The following CAMK4 variants were observed in gnomAD, a reference collection of about 807,000 sequenced individuals.
CAMK4 encodes calcium/calmodulin dependent protein kinase IV.
Under a neutral mutation model 44.9 loss-of-function variants are expected in CAMK4, and 22 were observed. The observed-to-expected ratio is 0.49, with a 90% confidence interval of 0.35 to 0.70. CAMK4 has a LOEUF of 0.70. CAMK4 is among the 30% of genes least tolerant of loss of function. The pLI is 0.01. For synonymous variants in CAMK4, 218 were observed against 215.4 expected (o/e 1.01, Z -0.11); for missense variants, 498 against 586.8 (o/e 0.85, Z 1.56).
At chr5:111,399,787 T>C (rs1752154931) in intron 5 of CAMK4, among the ~76,000 whole-genome samples, 1 of 152,236 alleles carries the variant, frequency 6.6e-6, no homozygotes, top group Non-Finnish European at 1.5e-5. Context: ...AAAACTCACC[T>C]TCCTCGGTAT....
intron 1 of CAMK4, among the ~76,000 whole-genome samples, chr5:111,234,026 T>C: frequency 6.6e-6 from 1 of 152,188 alleles, no homozygotes. Context: ...AAAAAGCACA[T>C]TAATGTTGGT....
chr5:111,325,314 A>G (rs1748837232), intron 1 of CAMK4, among the ~76,000 whole-genome samples: 1 of 152,054 alleles, frequency 6.6e-6, no homozygotes, highest in African/African-American at 2.4e-5. Context: ...TAGTACTGCA[A>G]TAAACATACA....
At chr5:111,344,779 A>G (rs1749800471) in intron 2 of CAMK4, among the ~76,000 whole-genome samples, 2 of 151,850 alleles carry the variant, frequency 1.3e-5, no homozygotes, top group Admixed American at 1.3e-4. Context: ...TGAGTAAGAA[A>G]CACAGTAGAT....
intron 1 of CAMK4, among the ~76,000 whole-genome samples, chr5:111,273,613 GT>G (rs1750608844): frequency 6.8e-6 from 1 of 146,200 alleles, no homozygotes; most frequent in Admixed American, 6.9e-5. Flanking sequence ...CTGTCCCAGA[GT>G]TTTTTCCAGA....
chr5:111,375,228 C>G (rs1451046845), intron 3 of CAMK4, among the ~76,000 whole-genome samples: 1 of 152,086 alleles, frequency 6.6e-6, no homozygotes, highest in African/African-American at 2.4e-5. Flanking sequence ...TTTTGTGTGC[C>G]TATCTTATTA....
intron 1 of CAMK4, chr5:111,277,563 T>G (rs1750820772): frequency 6.6e-6 from 1 of 152,192 alleles, no homozygotes; most frequent in African/African-American, 2.4e-5. Flanking sequence ...TGGTAGGAGA[T>G]CATAAATTCC....
chr5:111,393,202 A>C (rs1452476889), intron 4 of CAMK4, among the ~76,000 whole-genome samples: 1 of 152,194 alleles, frequency 6.6e-6, no homozygotes, highest in Non-Finnish European at 1.5e-5. Context: ...TTGATAATCA[A>C]TTACTGTTAT....
rs1274726204 is a variant in CAMK4, at chr5:111,486,144, T to C, written c.*1678T>C. The C allele has an allele frequency of 6.6e-6, 1 of 152,112 alleles. No homozygotes were observed. The highest frequency in any genetic ancestry group is 1.9e-4 in the East Asian group (1 of 5,192). The allele number at this position is 152,112 out of a possible 1,614,324, so 9.4% of individuals were successfully genotyped here. On this transcript the variant is annotated 3_prime_UTR_variant, in exon 11 of 11. Transcript: ENST00000282356. ...TGGACCTCAGTAGACATTCTTCTTT[T>C]CAATCACAAATCTCTCTCTACTACT...
chr5:111,285,006 G>A (rs1299103491), intron 1 of CAMK4, among the ~76,000 whole-genome samples: 1 of 152,152 alleles, frequency 6.6e-6, no homozygotes, highest in African/African-American at 2.4e-5. Context: ...TGGAAATACT[G>A]GATGATTTCT....
chr5:111,443,226 T>G (rs1753887227), intron 5 of CAMK4, among the ~76,000 whole-genome samples: 1 of 139,088 alleles, frequency 7.2e-6, no homozygotes, highest in South Asian at 2.3e-4. Flanking sequence ...CAGATATATT[T>G]AAATGCCTCC....
chr5:111,323,282 T>G (rs1364306549), intron 1 of CAMK4, among the ~76,000 whole-genome samples: 1 of 152,058 alleles, frequency 6.6e-6, no homozygotes, highest in African/African-American at 2.4e-5. Flanking sequence ...AGTCCTATAC[T>G]TACGATTTTT....
At chr5:111,331,990 A>G (rs902736819) in intron 1 of CAMK4, among the ~76,000 whole-genome samples, 2 of 151,730 alleles carry the variant, frequency 1.3e-5, no homozygotes, top group Non-Finnish European at 2.9e-5. Flanking sequence ...GATGAAATCT[A>G]ACTCCGTTTT....
At chr5:111,454,110 A>G (rs1053687999) in intron 7 of CAMK4, among the ~76,000 whole-genome samples, 2 of 152,204 alleles carry the variant, frequency 1.3e-5, no homozygotes, top group African/African-American at 4.8e-5. Context: ...AGAAAAATTT[A>G]AAATATTTAC....
At position 111,228,369 on chromosome 5, in the gene CAMK4, T is replaced by C. The variant is rs982094478; in HGVS notation, c.161+3725T>C. On this transcript the variant is annotated intron_variant, in intron 1 of 10. Coordinates refer to ENST00000282356, the MANE Select transcript of CAMK4 (RefSeq NM_001744.6). ...TAATTTTAAATAATACATTTATGTG[T>C]CACATTTATGTAAACACAATTATGT... 2.6e-5 allele frequency among the ~76,000 whole-genome samples: 4 copies of C among 152,210 alleles called. No homozygotes were observed. In the East Asian group the frequency reaches 7.7e-4, roughly 29 times the overall value.
rs532265851 is a variant in CAMK4 at position 111,410,228 on chromosome 5, A to G, written c.459+15446A>G. ...AGGTTTAATTGACCCACAGTTCCAC[A>G]TGGTTAGGGAGGCCTCACAATCATG... On this transcript the variant is annotated intron_variant, in intron 5 of 10. Coordinates refer to ENST00000282356, the MANE Select transcript of CAMK4 (RefSeq NM_001744.6). 2.8e-4 allele frequency among the ~76,000 whole-genome samples: 40 copies of G among 144,148 alleles called. 1 individual carries two copies. Among genetic ancestry groups the G allele is most frequent in the African/African-American group, 8.9e-4 (36 of 40,404 alleles). 94.6% of individuals were successfully genotyped at this position (144,148 alleles called of 152,430 possible).
chr5:111,369,657 C>G (rs1485117664), intron 2 of CAMK4, among the ~76,000 whole-genome samples: 1 of 152,066 alleles, frequency 6.6e-6, no homozygotes. Context: ...GAAGTACGGT[C>G]ATTCCTCAGT....
At chr5:111,255,632 C>T (rs1462815364) in intron 1 of CAMK4, among the ~76,000 whole-genome samples, 1 of 152,162 alleles carries the variant, frequency 6.6e-6, no homozygotes, top group Admixed American at 6.5e-5. Flanking sequence ...CTGAGCCTGT[C>T]TCGGGAATGG....
In CAMK4 at chr5:111,344,080, C is replaced by G. The variant is rs1338770422; in HGVS notation, c.218C>G (p.Ala73Gly). 7.5e-6 allele frequency: 12 copies of G among 1,602,662 alleles called. No individual in the cohort carries two copies. Among genetic ancestry groups the G allele is most frequent in the Non-Finnish European group, 1.0e-5 (12 of 1,170,580 alleles). Reference protein sequence around the residue: ...CKQKGTQKPYALKVLKKTVDK... With the variant: ...CKQKGTQKPYGLKVLKKTVDK... ...CAGAAGGGGACCCAGAAGCCTTATG[C>G]TCTCAAAGTGTTAAAGAAAACAGTA... Residue 73 changes from alanine to glycine, a missense_variant, in exon 2 of 11, where the codon GCT becomes GGT. By Grantham distance (60) the Ala-to-Gly change is moderately conservative. Around this residue, in one of 3 missense-constraint regions of CAMK4, gnomAD observed 152 missense variants for 143.7 expected, o/e 1.06. Coordinates refer to ENST00000282356, the MANE Select transcript of CAMK4 (RefSeq NM_001744.6).
intron 6 of CAMK4, 137 bp from the exon 7 acceptor site, chr5:111,448,992 C>T: frequency 2.1e-6 from 1 of 478,528 alleles, no homozygotes; most frequent in Non-Finnish European, 3.8e-6. Context: ...TGACTTGTTC[C>T]CACCCACCTT....
Sources: allele counts gnomAD v4.1 joint callset (sites outside exome capture counted in the v4.1 genomes callset), GRCh38; gene constraint gnomAD v4.1.1; regional missense constraint gnomAD v4.1.1; transcripts MANE v1.5; gene names NCBI Gene and HGNC (gene_info 2026-07-23, HGNC 2026-07-21).